Variants in NEK11 observed in about 807,000 individuals in gnomAD.
NEK11 encodes the protein serine/threonine-protein kinase Nek11.
NEK11 carries 72 observed loss-of-function variants against 80.7 expected under a neutral mutation model. That is an observed-to-expected ratio of 0.89 (90% CI 0.74 to 1.08). The LOEUF (loss-of-function observed/expected upper bound fraction) is 1.08, where lower values mean the gene tolerates loss of function less well. NEK11 is among the 50% of genes least tolerant of loss of function. The pLI, the probability that NEK11 is intolerant of heterozygous loss-of-function variation, is 0.00. For synonymous variants in NEK11, 251 were observed against 260.7 expected (o/e 0.96, Z 0.36); for missense variants, 764 against 763.6 (o/e 1.00, Z -0.01).
At chr3:131,056,091 G>A (rs1176905043) in intron 3 of NEK11, among the ~76,000 whole-genome samples, 1 of 152,176 alleles carries the variant, frequency 6.6e-6, no homozygotes, top group African/African-American at 2.4e-5. Flanking sequence ...GGGAGAAGGG[G>A]TACTTGGGTT....
chr3:131,085,228 A>G (rs998847711), intron 4 of NEK11, among the ~76,000 whole-genome samples: 1 of 152,226 alleles, frequency 6.6e-6, no homozygotes, highest in African/African-American at 2.4e-5. Flanking sequence ...TTGCCTTGGC[A>G]GTTTTAGCTC....
At chr3:131,324,313 C>G (rs184475152) in intron 17 of NEK11, among the ~76,000 whole-genome samples, 1 of 152,274 alleles carries the variant, frequency 6.6e-6, no homozygotes, top group East Asian at 1.9e-4. Context: ...GGAAAGAGTC[C>G]TTGTTGAAAC....
intron 15 of NEK11, among the ~76,000 whole-genome samples, chr3:131,231,214 T>TCTTTTTA (rs201540151): frequency 1.1e-4 from 16 of 146,808 alleles, no homozygotes; most frequent in African/African-American, 4.2e-4. Context: ...TTTTCTTTTT[T>TCTTTTTA]TTTTTGAGAC....
intron 5 of NEK11, among the ~76,000 whole-genome samples, chr3:131,122,745 C>G (rs2082611262): frequency 6.6e-6 from 1 of 152,186 alleles, no homozygotes; most frequent in Non-Finnish European, 1.5e-5. Flanking sequence ...ACAGTTCTAC[C>G]TTGGGCTGGA....
chr3:131,054,989 C>T (rs2069178839), intron 3 of NEK11, among the ~76,000 whole-genome samples: 1 of 151,916 alleles, frequency 6.6e-6, no homozygotes, highest in African/African-American at 2.4e-5. Context: ...CCTTTCTTTC[C>T]AGATGTAGCA....
chr3:131,299,910 G>GA (rs1169335962), intron 17 of NEK11, among the ~76,000 whole-genome samples: 1 of 152,186 alleles, frequency 6.6e-6, no homozygotes, highest in Non-Finnish European at 1.5e-5. Flanking sequence ...GAATTGCTAG[G>GA]ATGATTGGTA....
At chr3:131,033,534 A>G (rs1321826759) in intron 3 of NEK11, among the ~76,000 whole-genome samples, 1 of 152,234 alleles carries the variant, frequency 6.6e-6, no homozygotes, top group Non-Finnish European at 1.5e-5. Context: ...ACTTATGACT[A>G]GTTTCTATGA....
At chr3:131,308,593 A>T (rs940636404) in intron 17 of NEK11, among the ~76,000 whole-genome samples, 12 of 152,140 alleles carry the variant, frequency 7.9e-5, no homozygotes, top group Admixed American at 7.9e-4. Context: ...TCTCTTCCTT[A>T]TATGGTACAC....
intron 5 of NEK11, among the ~76,000 whole-genome samples, chr3:131,123,136 G>T (rs1384978558): frequency 6.6e-6 from 1 of 152,058 alleles, no homozygotes; most frequent in East Asian, 1.9e-4. Context: ...GGCTCATTTT[G>T]GCTTACTGTA....
intron 14 of NEK11, among the ~76,000 whole-genome samples, chr3:131,223,313 TAAG>T (rs773544969): frequency 2.0e-5 from 3 of 152,186 alleles, no homozygotes; most frequent in Non-Finnish European, 4.4e-5. Context: ...GGTGCTTACT[TAAG>T]AAATACTGGA....
chr3:131,171,045 T>C, intron 14 of NEK11, 158 bp downstream of exon 14: 1 of 660,008 alleles, frequency 1.5e-6, no homozygotes, highest in Non-Finnish European at 2.7e-6. Context: ...GGATGAAAAG[T>C]AGAGAAGCCA....
intron 17 of NEK11, among the ~76,000 whole-genome samples, chr3:131,343,542 C>T (rs2097316513): frequency 6.6e-6 from 1 of 152,162 alleles, no homozygotes; most frequent in Non-Finnish European, 1.5e-5. Flanking sequence ...CCACACTGCC[C>T]TAGTAGAGTA....
At chr3:131,272,570 A>G (rs1404392474) in intron 16 of NEK11, among the ~76,000 whole-genome samples, 2 of 140,186 alleles carry the variant, frequency 1.4e-5, no homozygotes, top group Non-Finnish European at 3.0e-5. Flanking sequence ...CCGCCTCCCA[A>G]GTTCAAGTGA....
intron 7 of NEK11, 52 bp downstream of exon 7, chr3:131,134,008 A>G: frequency 3.4e-6 from 5 of 1,488,404 alleles, no homozygotes; most frequent in Non-Finnish European, 4.5e-6. Context: ...AAAGAATGGT[A>G]CATTTTGTCT....
chr3:131,160,879 C>T (rs1030179057), intron 10 of NEK11, among the ~76,000 whole-genome samples: 4 of 152,118 alleles, frequency 2.6e-5, no homozygotes, highest in Middle Eastern at 3.4e-3. Flanking sequence ...TCTAACTATC[C>T]GAAATATACA....
chr3:131,191,162 A>G (rs979186492), intron 14 of NEK11, among the ~76,000 whole-genome samples: 2 of 152,212 alleles, frequency 1.3e-5, no homozygotes, highest in Admixed American at 6.5e-5. Flanking sequence ...TTTAATACCT[A>G]GAAAAAATAA....
intron 2 of NEK11, among the ~76,000 whole-genome samples, chr3:131,028,756 G>T (rs1419629755): frequency 6.6e-6 from 1 of 151,942 alleles, no homozygotes; most frequent in Non-Finnish European, 1.5e-5. Flanking sequence ...GGGTTTCACC[G>T]TGTTAGCCAG....
chr3:131,185,556 A>G (rs2093565223), intron 14 of NEK11, among the ~76,000 whole-genome samples: 1 of 152,268 alleles, frequency 6.6e-6, no homozygotes, highest in Admixed American at 6.5e-5. Context: ...TGCTCAACTG[A>G]TCCCCAATAT....
chr3:131,192,183 A>G (rs2093823536), intron 14 of NEK11, among the ~76,000 whole-genome samples: 1 of 152,202 alleles, frequency 6.6e-6, no homozygotes, highest in African/African-American at 2.4e-5. Flanking sequence ...AGCACATAAA[A>G]TGATGCTCCA....
Sources: gnomAD v4.1 joint callset for allele counts (sites outside exome capture counted in the v4.1 genomes callset) on GRCh38, gnomAD v4.1.1 for gene constraint, MANE v1.5 for transcripts, NCBI Gene and HGNC (gene_info 2026-07-23, HGNC 2026-07-21) for gene names.